ZNF597: variants seen among roughly 807,000 people sequenced by gnomAD.
The protein encoded by ZNF597 is zinc finger protein 597.
ZNF597 carries 5 observed loss-of-function variants against 7.3 expected under a neutral mutation model. That is an observed-to-expected ratio of 0.68 (90% CI 0.36 to 1.44). The LOEUF is 1.44. ZNF597 is among the 40% of genes most tolerant of loss of function. The probability of loss-of-function intolerance (pLI) is 0.04; values close to 1 mark genes in which losing one functional copy is unlikely to be tolerated. For missense variants in ZNF597, 585 were observed against 517.9 expected (o/e 1.13, Z -1.26); for synonymous variants, 209 against 185.4 (o/e 1.13, Z -1.04).
rs567811522 is a variant in ZNF597 at position 3,433,398 on chromosome 16, C to T, written c.*3026G>A. ...ATATACATTTTCATCACTGCATCAA[C>T]GACAAAAACGGAGAAATTTGTCTGA... On this transcript the variant is annotated 3_prime_UTR_variant, in exon 4 of 4. Transcript: ENST00000301744. 1 of 152,294 alleles carries T rather than the reference C, an allele frequency of 6.6e-6. No homozygotes were observed. Among genetic ancestry groups the T allele is most frequent in the Non-Finnish European group, 1.5e-5 (1 of 68,016 alleles). The allele number at this position is 152,294 out of a possible 1,614,324, so 9.4% of individuals were successfully genotyped here.
At chr16:3,442,494 T>G (rs2034397822) in intron 2 of ZNF597, among the ~76,000 whole-genome samples, 1 of 151,846 alleles carries the variant, frequency 6.6e-6, no homozygotes, top group East Asian at 1.9e-4. Context: ...GCTAACACGG[T>G]GAAACCCCGT....
Position 3,440,792 on chromosome 16 carries a change from A to G in ZNF597, c.160+15T>C. 1.2e-6 allele frequency: 2 copies of G among 1,612,332 alleles called. No homozygotes were observed. Among genetic ancestry groups the G allele is most frequent in the South Asian group, 1.1e-5 (1 of 90,764 alleles). ...TTGACAAAAGTTCCAGATGCAGGAA[A>G]AACAATTGCCTTACCCATCAAAGCC... On this transcript the variant is annotated intron_variant, in intron 3 of 3. Coordinates refer to ENST00000301744, the MANE Select transcript of ZNF597 (RefSeq NM_152457.3).
chr16:3,437,007 A>G lies in ZNF597; in HGVS notation c.692T>C (p.Met231Thr), dbSNP rs2034310828. 1.2e-6 allele frequency: 2 copies of G among 1,614,106 alleles called. No individual in the cohort carries two copies. Among genetic ancestry groups the G allele is most frequent in the Non-Finnish European group, 1.7e-6 (2 of 1,180,028 alleles). Reference sequence around the variant, plus strand: ...GGGCTTCTCCTTTACGTGGCTATTCATGTGTCGGGATAGATGAGAGTGCTG... The same window carrying G: ...GGGCTTCTCCTTTACGTGGCTATTCGTGTGTCGGGATAGATGAGAGTGCTG... Reference protein sequence around the residue: ...FRQHSHLSRHMNSHVKEKPYT... With the variant: ...FRQHSHLSRHTNSHVKEKPYT... Residue 231 changes from methionine (M) to threonine (T), a missense_variant, in exon 4 of 4, where the codon ATG becomes ACG. By Grantham distance (81) the Met-to-Thr change is moderately conservative. Transcript: ENST00000301744.
Position 3,437,141 on chromosome 16 carries a change from A to G in ZNF597, c.558T>C (p.Cys186=), listed in dbSNP as rs754859427. The part of the protein sequence containing the change: ...KIHSGEKKHK[C]GDCGKIFNHR... ...GATTGAAGATCTTTCCACAGTCACC[A>G]CATTTATGTTTTTTCTCTCCTGAAT... Residue 186 remains cysteine, a synonymous_variant, in exon 4 of 4, where the codon TGT becomes TGC. Transcript: ENST00000301744. 2 of 1,614,130 alleles carry G rather than the reference A, an allele frequency of 1.2e-6. No homozygotes were observed. Among genetic ancestry groups the G allele is most frequent in the South Asian group, 2.2e-5 (2 of 91,078 alleles).
chr16:3,437,660 C>CTTCTA, intron 3 of ZNF597, 122 bp from the exon 4 acceptor site: 1 of 1,407,236 alleles, frequency 7.1e-7, no homozygotes, highest in Non-Finnish European at 9.3e-7. Flanking sequence ...TTCTATAACC[C>CTTCTA]AGACACTAAC....
chr16:3,442,277 C>A (rs1010938521), intron 2 of ZNF597, among the ~76,000 whole-genome samples: 2 of 152,052 alleles, frequency 1.3e-5, no homozygotes, highest in African/African-American at 2.4e-5. Flanking sequence ...ATTTTGGGAA[C>A]CATTCCAGAA....
At position 3,443,162 on chromosome 16, in the gene ZNF597, T is replaced by G. The variant is rs1596270593; in HGVS notation, c.-9A>C. ...GGGGGCATGGACGCCATTTGGCGGGTGGGGAATGCCTTCTTCAAGACGCCA... is the reference window on the plus strand; with the variant it reads ...GGGGGCATGGACGCCATTTGGCGGGGGGGGAATGCCTTCTTCAAGACGCCA... On this transcript the variant is annotated 5_prime_UTR_variant, in exon 2 of 4. Coordinates refer to ENST00000301744, the MANE Select transcript of ZNF597 (RefSeq NM_152457.3). 10 of 1,612,444 alleles carry G rather than the reference T, an allele frequency of 6.2e-6. No individual in the cohort carries two copies. Among genetic ancestry groups the G allele is most frequent in the Non-Finnish European group, 8.5e-6 (10 of 1,179,178 alleles).
intron 3 of ZNF597, among the ~76,000 whole-genome samples, chr16:3,440,075 G>C (rs2034349718): frequency 6.6e-6 from 1 of 152,098 alleles, no homozygotes; most frequent in South Asian, 2.1e-4. Flanking sequence ...ACTTAGAATA[G>C]ATAGTTTAGA....
intron 3 of ZNF597, among the ~76,000 whole-genome samples, chr16:3,438,164 T>A (rs558226382): frequency 3.3e-5 from 5 of 150,220 alleles, no homozygotes; most frequent in Admixed American, 3.3e-4. Flanking sequence ...CTCAGGAGTT[T>A]GAGATGTGCC....
rs2034267295 is a variant in ZNF597 at position 3,432,680 on chromosome 16, A to G, written c.*3744T>C. On this transcript the variant is annotated 3_prime_UTR_variant, in exon 4 of 4. Transcript: ENST00000301744. ...CCCCTACAGACTTAATGCAAAGAGGACTGTCAATTTTAAAAGACAAAACAC... is the reference window on the plus strand; with the variant it reads ...CCCCTACAGACTTAATGCAAAGAGGGCTGTCAATTTTAAAAGACAAAACAC... The G allele has an allele frequency of 6.6e-6, 1 of 152,170 alleles. No homozygotes were observed. The highest frequency in any genetic ancestry group is 6.5e-5 in the Admixed American group (1 of 15,276). The allele number at this position is 152,170 out of a possible 1,614,324, so 9.4% of individuals were successfully genotyped here.
Position 3,437,148 on chromosome 16 carries a change from T to C in ZNF597, c.551A>G (p.His184Arg), listed in dbSNP as rs1282195939. Residue 184 changes from histidine (H) to arginine (R), a missense_variant, in exon 4 of 4, where the codon CAT becomes CGT. Coordinates refer to ENST00000301744, the MANE Select transcript of ZNF597 (RefSeq NM_152457.3). ...GATCTTTCCACAGTCACCACATTTA[T>C]GTTTTTTCTCTCCTGAATGAATTTT... ...HQKIHSGEKK[H>R]KCGDCGKIFN... is the part of the protein sequence containing the mutation. 5 of 1,614,224 alleles carry C rather than the reference T, an allele frequency of 3.1e-6. No homozygotes were observed. The East Asian group carries it at 6.7e-5, about 22-fold the overall frequency.
chr16:3,442,195 TCAA>T (rs1283359190), intron 2 of ZNF597, among the ~76,000 whole-genome samples: 1 of 152,194 alleles, frequency 6.6e-6, no homozygotes, highest in East Asian at 1.9e-4. Context: ...TTATTATTAC[TCAA>T]CGAGTGTGGA....
At position 3,434,116 on chromosome 16, in the gene ZNF597, G is replaced by T. The variant is rs965567544; in HGVS notation, c.*2308C>A. ...TCTAGGAGCCAAAACAAAAATGACA[G>T]CATACATCTTTTATATCACCCCCAT... On this transcript the variant is annotated 3_prime_UTR_variant, in exon 4 of 4. Transcript: ENST00000301744. The T allele has an allele frequency of 7.9e-5, 12 of 152,196 alleles. No homozygotes were observed. Among genetic ancestry groups the T allele is most frequent in the Non-Finnish European group, 8.8e-5 (6 of 68,044 alleles). The allele number at this position is 152,196 out of a possible 1,614,324, so 9.4% of individuals were successfully genotyped here. A position where few individuals can be genotyped will look rare whatever the true frequency, so the allele number is the denominator to read the frequency against.
At position 3,436,911 on chromosome 16, in the gene ZNF597, CTG is replaced by C. The variant is rs1463698627; in HGVS notation, c.786_787del (p.His262GlnfsTer3). The C allele has an allele frequency of 1.9e-6, 3 of 1,614,086 alleles. No homozygotes were observed. The highest frequency in any genetic ancestry group is 2.5e-6 in the Non-Finnish European group (3 of 1,180,050). On this transcript the variant is annotated frameshift_variant, in exon 4 of 4. Coordinates refer to ENST00000301744, the MANE Select transcript of ZNF597 (RefSeq NM_152457.3). LOFTEE classifies it low-confidence loss of function (END_TRUNC). ...AGTAGATTCGTAGGTGTTTTCAGCA[CTG>C]TGGCTTTTCTGATGCTGTGCCAATC...
chr16:3,440,420 G>A (rs1459666038), intron 3 of ZNF597, among the ~76,000 whole-genome samples: 7 of 152,124 alleles, frequency 4.6e-5, no homozygotes, highest in Admixed American at 3.9e-4. Context: ...TGATCACAAG[G>A]TCAGGAGATT....
intron 3 of ZNF597, among the ~76,000 whole-genome samples, chr16:3,438,518 G>A (rs185475657): frequency 0.019 from 2,915 of 151,782 alleles, 89 homozygotes; most frequent in African/African-American, 0.064. Context: ...AGCCGAGATC[G>A]CGCCACTGCA....
In ZNF597 at chr16:3,437,551, A is replaced by G. The variant is rs765093773; in HGVS notation, c.161-13T>C. On this transcript the variant is annotated splice_polypyrimidine_tract_variant and intron_variant, in intron 3 of 3. Coordinates refer to ENST00000301744, the MANE Select transcript of ZNF597 (RefSeq NM_152457.3). ...TTGCCTTCCTCTCCTGTTGATAAAAACAAAAGAAAGCAAAACATAGACAAT... is the reference window on the plus strand; with the variant it reads ...TTGCCTTCCTCTCCTGTTGATAAAAGCAAAAGAAAGCAAAACATAGACAAT... The G allele has an allele frequency of 6.4e-7, 1 of 1,573,782 alleles. No homozygotes were observed. Among genetic ancestry groups the G allele is most frequent in the Admixed American group, 2.0e-5 (1 of 50,080 alleles).
Position 3,443,197 on chromosome 16 carries a change from C to A in ZNF597, c.-44G>T, listed in dbSNP as rs756701513. ...CTTCTTCAAGACGCCACAGGGACTT[C>A]GTGACAAAGCTGCGGGGGGAGAGAA... On this transcript the variant is annotated 5_prime_UTR_variant, in exon 2 of 4. An upstream open reading frame in the 5' UTR gains an earlier in-frame stop. Coordinates refer to ENST00000301744, the MANE Select transcript of ZNF597 (RefSeq NM_152457.3). 1 of 1,596,058 alleles carries A rather than the reference C, an allele frequency of 6.3e-7. No individual in the cohort carries two copies. The highest frequency in any genetic ancestry group is 8.6e-7 in the Non-Finnish European group (1 of 1,169,514).
rs1567351587 is a variant in ZNF597 at position 3,436,580 on chromosome 16, T to C, written c.1119A>G (p.Thr373=). 10 of 1,610,988 alleles carry C rather than the reference T, an allele frequency of 6.2e-6. No individual in the cohort carries two copies. Among genetic ancestry groups the C allele is most frequent in the Non-Finnish European group, 8.5e-6 (10 of 1,178,330 alleles). The change falls in exon 4 of 4, where the codon ACA becomes ACG. Residue 373 remains threonine, a synonymous_variant. Coordinates refer to ENST00000301744, the MANE Select transcript of ZNF597 (RefSeq NM_152457.3). ...HTEERPHKCK[T]CEESFALDSE... ...AGTCCAAAGCAAAACTTTCCTCGCA[T>C]GTTTTGCACTTATGGGGCCTTTCCT...
Sources: allele counts gnomAD v4.1 joint callset (sites outside exome capture counted in the v4.1 genomes callset), GRCh38; gene constraint gnomAD v4.1.1; transcripts MANE v1.5; gene names NCBI Gene and HGNC (gene_info 2026-07-23, HGNC 2026-07-21).